FGD6: variants seen among roughly 807,000 people sequenced by gnomAD.
FGD6 encodes the protein FYVE, RhoGEF and PH domain-containing protein 6.
Under a neutral mutation model 149.4 loss-of-function variants are expected in FGD6, and 90 were observed. That is an observed-to-expected ratio of 0.60 (90% CI 0.51 to 0.72). The LOEUF is 0.72. FGD6 is among the 30% of genes least tolerant of loss of function. FGD6 has a pLI of 0.00. For synonymous variants in FGD6, 527 were observed against 584.0 expected (o/e 0.90, Z 1.41); for missense variants, 1,437 against 1,684.8 (o/e 0.85, Z 2.57).
At chr12:95,180,809 G>A (rs1218913608) in intron 2 of FGD6, among the ~76,000 whole-genome samples, 2 of 151,812 alleles carry the variant, frequency 1.3e-5, no homozygotes, top group Non-Finnish European at 2.9e-5. Flanking sequence ...TTCATAAAAG[G>A]TGGTTCAAAG....
chr12:95,214,868 T>TC lies in FGD6; in HGVS notation c.16+2356_16+2357insG, dbSNP rs1485951122. On this transcript the variant is annotated intron_variant, in intron 1 of 20. Coordinates refer to ENST00000343958, the MANE Select transcript of FGD6 (RefSeq NM_018351.4). ...AATTCTCTCTCCTTTTTTCTTTTTTTTTTTTTTTTTTTGAGATGGAGTCTT... is the reference window on the plus strand; with the variant it reads ...AATTCTCTCTCCTTTTTTCTTTTTTTCTTTTTTTTTTTTGAGATGGAGTCTT... Among the ~76,000 whole-genome samples, 15 of 149,288 alleles carry TC rather than the reference T, an allele frequency of 1.0e-4. No individual in the cohort carries two copies. In the East Asian group the frequency reaches 2.7e-3, roughly 27 times the overall value.
rs1456399404 is a variant in FGD6, at chr12:95,209,987, C to T, written c.1297G>A (p.Gly433Ser). 6.2e-7 allele frequency: 1 copy of T among 1,612,800 alleles called. No homozygotes were observed. The highest frequency in any genetic ancestry group is 8.5e-7 in the Non-Finnish European group (1 of 1,179,650). Reference protein sequence around the residue: ...NLSSDSTTVDGSSMSLAVDEG... With the variant: ...NLSSDSTTVDSSSMSLAVDEG... ...TCCACAGCAAGCGACATACTAGAAC[C>T]ATCTACAGTTGTGCTGTCAGAACTC... The change falls in exon 2 of 21, where the codon GGT becomes AGT. Residue 433 changes from glycine to serine, a missense_variant. Gly to Ser is a moderately conservative substitution (Grantham distance 56, BLOSUM62 0). Coordinates refer to ENST00000343958, the MANE Select transcript of FGD6 (RefSeq NM_018351.4).
chr12:95,121,562 G>C (rs534184716), intron 8 of FGD6, among the ~76,000 whole-genome samples: 5 of 147,744 alleles, frequency 3.4e-5, no homozygotes, highest in Non-Finnish European at 7.4e-5. Context: ...CCTCATTTTA[G>C]AGTTTCAATA....
intron 8 of FGD6, among the ~76,000 whole-genome samples, chr12:95,133,279 A>G (rs757788465): frequency 6.6e-6 from 1 of 152,102 alleles, no homozygotes; most frequent in Non-Finnish European, 1.5e-5. Context: ...TTAGCCGGGC[A>G]TGGTGGTGCA....
chr12:95,175,377 G>A (rs1881106666), intron 2 of FGD6, among the ~76,000 whole-genome samples: 1 of 152,180 alleles, frequency 6.6e-6, no homozygotes, highest in Non-Finnish European at 1.5e-5. Flanking sequence ...AACAGGTGTT[G>A]AATTTTAATG....
Position 95,081,465 on chromosome 12 carries a change from C to T in FGD6, c.*55G>A. ...TACAATTTTTGAATTGCATTTACTC[C>T]ATTCTGATGAAATTCCACCTCTTTG... On this transcript the variant is annotated 3_prime_UTR_variant, in exon 21 of 21. Transcript: ENST00000343958. 2.0e-6 allele frequency: 3 copies of T among 1,481,324 alleles called. No individual in the cohort carries two copies. Among genetic ancestry groups the T allele is most frequent in the Non-Finnish European group, 2.7e-6 (3 of 1,092,730 alleles). The allele number at this position is 1,481,324 out of a possible 1,614,324, so 91.8% of individuals were successfully genotyped here.
intron 8 of FGD6, among the ~76,000 whole-genome samples, chr12:95,114,738 G>A (rs1287708293): frequency 6.6e-6 from 1 of 152,170 alleles, no homozygotes; most frequent in East Asian, 1.9e-4. Context: ...TTCCTTCTCT[G>A]TTGAGAAATG....
chr12:95,102,879 C>A (rs1335751517), intron 14 of FGD6, among the ~76,000 whole-genome samples: 2 of 152,170 alleles, frequency 1.3e-5, no homozygotes, highest in African/African-American at 4.8e-5. Flanking sequence ...CCTCTCTGAG[C>A]CTCCATTTTT....
chr12:95,107,560 T>C lies in FGD6; in HGVS notation c.3333+3A>G. The C allele has an allele frequency of 6.2e-7, 1 of 1,614,008 alleles. No individual in the cohort carries two copies. The highest frequency in any genetic ancestry group is 8.5e-7 in the Non-Finnish European group (1 of 1,180,004). On this transcript the variant is annotated splice_donor_region_variant and intron_variant, in intron 12 of 20. Coordinates refer to ENST00000343958, the MANE Select transcript of FGD6 (RefSeq NM_018351.4). ...CACATCAGAACTACACAAGTCCTCT[T>C]ACCAGGAAAAACATTCGAGGTTGCA...
intron 2 of FGD6, among the ~76,000 whole-genome samples, chr12:95,174,852 G>A (rs566713242): frequency 3.1e-4 from 47 of 150,640 alleles, no homozygotes; most frequent in African/African-American, 9.8e-4. Context: ...GCGTGAACCC[G>A]GGAGGCGGAG....
At chr12:95,147,426 C>T (rs55703445) in intron 5 of FGD6, among the ~76,000 whole-genome samples, 29,477 of 152,030 alleles carry the variant, frequency 0.19, 3,079 homozygotes, top group Non-Finnish European at 0.21. Flanking sequence ...TTTCCAATCT[C>T]CTTTAATAAC....
Position 95,152,938 on chromosome 12 carries a change from C to A in FGD6, c.2642G>T (p.Ser881Ile). 3 of 1,614,014 alleles carry A rather than the reference C, an allele frequency of 1.9e-6. No homozygotes were observed. Among genetic ancestry groups the A allele is most frequent in the Non-Finnish European group, 2.5e-6 (3 of 1,179,934 alleles). Residue 881 changes from serine (S) to isoleucine (I), a missense_variant, in exon 4 of 21, where the codon AGC (serine) becomes ATC (isoleucine). Coordinates refer to ENST00000343958, the MANE Select transcript of FGD6 (RefSeq NM_018351.4). Reference protein sequence around the residue: ...KVHHIAKEIMSSEKVFVDVLK... With the variant: ...KVHHIAKEIMISEKVFVDVLK... ...ACTAGATACCTACACTTTCTCTGAGCTCATGATCTCCTTGGCAATATGATG... is the reference window on the plus strand; with the variant it reads ...ACTAGATACCTACACTTTCTCTGAGATCATGATCTCCTTGGCAATATGATG...
intron 6 of FGD6, among the ~76,000 whole-genome samples, chr12:95,140,233 CCACAGAAGT>C (rs1879803936): frequency 6.6e-6 from 1 of 152,170 alleles, no homozygotes; most frequent in African/African-American, 2.4e-5. Context: ...TACATTATTT[CCACAGAAGT>C]CACCAAGCCT....
intron 13 of FGD6, among the ~76,000 whole-genome samples, chr12:95,106,647 G>C (rs1669825640): frequency 1.3e-5 from 2 of 151,992 alleles, no homozygotes; most frequent in South Asian, 2.1e-4. Flanking sequence ...TGTAACCCCA[G>C]CACTTTGGGA....
chr12:95,217,255 G>T lies in FGD6; in HGVS notation c.-15C>A, dbSNP rs200345787. 137 of 1,608,274 alleles carry T rather than the reference G, an allele frequency of 8.5e-5. 2 individuals carry two copies. The Admixed American group carries it at 2.2e-3, about 26-fold the overall frequency. ...GCAGAAGTCATGATTCCCCGGTGCA[G>T]CTCGCTTCCCCGCTCGGCCCCTCAA... On this transcript the variant is annotated 5_prime_UTR_variant, in exon 1 of 21. It adds an upstream start codon to the 5' untranslated region. Coordinates refer to ENST00000343958, the MANE Select transcript of FGD6 (RefSeq NM_018351.4).
intron 18 of FGD6, among the ~76,000 whole-genome samples, chr12:95,087,483 T>C (rs1313281300): frequency 6.6e-6 from 1 of 152,166 alleles, no homozygotes; most frequent in African/African-American, 2.4e-5. Context: ...GGCAAGGAGC[T>C]GAGGACCTCC....
In FGD6 at chr12:95,080,262, T is replaced by C. The variant is rs1223785093; in HGVS notation, c.*1258A>G. The C allele has an allele frequency of 6.6e-6, 1 of 152,160 alleles. No homozygotes were observed. The highest frequency in any genetic ancestry group is 6.6e-5 in the Admixed American group (1 of 15,266). The allele number at this position is 152,160 out of a possible 1,614,324, so 9.4% of individuals were successfully genotyped here. On this transcript the variant is annotated 3_prime_UTR_variant, in exon 21 of 21. Coordinates refer to ENST00000343958, the MANE Select transcript of FGD6 (RefSeq NM_018351.4). The stretch of plus-strand genomic sequence containing the variant: ...CCACCGCTCATGGCAGTTAAGATAA[T>C]TTATAGTTTAAACTTAGTTAATAAA...
At chr12:95,114,982 G>A (rs1592838211) in intron 8 of FGD6, among the ~76,000 whole-genome samples, 3 of 151,870 alleles carry the variant, frequency 2.0e-5, no homozygotes, top group South Asian at 4.2e-4. Context: ...CCTCTGTCTC[G>A]CTTATACAAA....
At chr12:95,146,453 G>A (rs1164632266) in intron 5 of FGD6, among the ~76,000 whole-genome samples, 2 of 152,118 alleles carry the variant, frequency 1.3e-5, no homozygotes, top group African/African-American at 4.8e-5. Flanking sequence ...CAAGACAGCA[G>A]GATTAGCTCT....
Sources: allele counts gnomAD v4.1 joint callset (sites outside exome capture counted in the v4.1 genomes callset), GRCh38; gene constraint gnomAD v4.1.1; transcripts MANE v1.5; gene names NCBI Gene and HGNC (gene_info 2026-07-23, HGNC 2026-07-21).